The following HYCC2 variants were observed in gnomAD, a reference collection of about 807,000 sequenced individuals.
HYCC2 encodes hyccin 2.
chr2:201,047,445 C>CATATATATATATATATATATATATAT, the HYCC2 span, among the ~76,000 whole-genome samples: 88 of 139,598 alleles, frequency 6.3e-4, 2 homozygotes, highest in African/African-American at 2.1e-3. Context: ...TCACAGTTCT[C>CATATATATATATATATATATATATAT]ATATATATAT....
At chr2:201,010,641 C>T in the HYCC2 span, among the ~76,000 whole-genome samples, 1 of 151,988 alleles carries the variant, frequency 6.6e-6, no homozygotes, top group African/African-American at 2.4e-5. Flanking sequence ...TGAAATACAA[C>T]AATTAGAGTG....
chr2:201,032,228 C>G, the HYCC2 span, among the ~76,000 whole-genome samples: 1 of 152,130 alleles, frequency 6.6e-6, no homozygotes, highest in African/African-American at 2.4e-5. Flanking sequence ...TCCCACAGTC[C>G]TGGGATTACA....
the HYCC2 span, among the ~76,000 whole-genome samples, chr2:201,025,589 A>T: frequency 6.6e-6 from 1 of 152,220 alleles, no homozygotes; most frequent in African/African-American, 2.4e-5. Flanking sequence ...GATCTATAGA[A>T]TTAAGGGGAG....
At chr2:201,000,625 A>C in the HYCC2 span, among the ~76,000 whole-genome samples, 1 of 152,190 alleles carries the variant, frequency 6.6e-6, no homozygotes, top group Non-Finnish European at 1.5e-5. Context: ...TAGAAACGTA[A>C]AATGGTACAG....
At chr2:201,047,227 A>G in the HYCC2 span, among the ~76,000 whole-genome samples, 1 of 152,116 alleles carries the variant, frequency 6.6e-6, no homozygotes, top group South Asian at 2.1e-4. Context: ...GAAGAATTTA[A>G]TATATTGGTC....
At chr2:201,042,742 G>GGGGGC in the HYCC2 span, among the ~76,000 whole-genome samples, 1 of 150,162 alleles carries the variant, frequency 6.7e-6, no homozygotes, top group Non-Finnish European at 1.5e-5. Flanking sequence ...CCGGGAGGTG[G>GGGGGC]GGGGCAGCCC....
the HYCC2 span, among the ~76,000 whole-genome samples, chr2:201,033,224 T>C: frequency 7.2e-6 from 1 of 138,456 alleles, no homozygotes; most frequent in African/African-American, 2.8e-5. Flanking sequence ...AGAGATGAGA[T>C]CTCTCTCTGT....
the HYCC2 span, chr2:201,016,904 T>C: frequency 2.9e-6 from 4 of 1,398,998 alleles, no homozygotes; most frequent in Non-Finnish European, 2.9e-6. Context: ...CCTGGCCAAT[T>C]TATTTTTCTC....
chr2:201,050,120 G>A, the HYCC2 span, among the ~76,000 whole-genome samples: 1 of 151,788 alleles, frequency 6.6e-6, no homozygotes, highest in African/African-American at 2.4e-5. Context: ...CCTGTGAGGT[G>A]GGAGGATTGC....
At chr2:201,042,004 C>T in the HYCC2 span, among the ~76,000 whole-genome samples, 3 of 152,254 alleles carry the variant, frequency 2.0e-5, no homozygotes, top group South Asian at 6.2e-4. Context: ...CCTCTGATGC[C>T]GAGCCGAGGC....
chr2:201,020,913 G>A, the HYCC2 span, among the ~76,000 whole-genome samples: 2 of 151,974 alleles, frequency 1.3e-5, no homozygotes, highest in African/African-American at 2.4e-5. Flanking sequence ...GACTACAGGC[G>A]TGCACCACCA....
the HYCC2 span, among the ~76,000 whole-genome samples, chr2:201,008,155 G>C: frequency 6.6e-6 from 1 of 152,168 alleles, no homozygotes; most frequent in Middle Eastern, 3.2e-3. Context: ...AGTCAGAAGT[G>C]AGGGCAATTT....
At chr2:201,058,449 G>A in the HYCC2 span, among the ~76,000 whole-genome samples, 1 of 152,226 alleles carries the variant, frequency 6.6e-6, no homozygotes. Context: ...AGCGGCTCAC[G>A]CCTGTAATCC....
the HYCC2 span, among the ~76,000 whole-genome samples, chr2:200,989,414 A>G: frequency 6.6e-6 from 1 of 152,340 alleles, no homozygotes; most frequent in African/African-American, 2.4e-5. Context: ...TTAGGGTAAG[A>G]TTAGGAAACA....
At chr2:201,039,738 T>G in the HYCC2 span, among the ~76,000 whole-genome samples, 1 of 152,132 alleles carries the variant, frequency 6.6e-6, no homozygotes, top group African/African-American at 2.4e-5. Context: ...AAAGAATACA[T>G]AAAGTTAAAT....
At chr2:201,060,541 G>A in the HYCC2 span, among the ~76,000 whole-genome samples, 1 of 152,162 alleles carries the variant, frequency 6.6e-6, no homozygotes, top group Admixed American at 6.5e-5. Flanking sequence ...AATCTTGAAA[G>A]TAGAAGACAC....
chr2:201,020,538 G>C, the HYCC2 span, among the ~76,000 whole-genome samples: 5 of 152,240 alleles, frequency 3.3e-5, no homozygotes, highest in East Asian at 9.6e-4. Flanking sequence ...GAATATGGTT[G>C]TTTATCATAT....
the HYCC2 span, among the ~76,000 whole-genome samples, chr2:201,066,463 TA>T: frequency 3.3e-5 from 5 of 152,160 alleles, no homozygotes; most frequent in African/African-American, 7.2e-5. Context: ...TTTTTTCATT[TA>T]AAAAGTATAA....
the HYCC2 span, among the ~76,000 whole-genome samples, chr2:201,029,025 C>G: frequency 6.6e-6 from 1 of 152,290 alleles, no homozygotes; most frequent in Non-Finnish European, 1.5e-5. Context: ...AGGCAACCTA[C>G]AGAATGGGAG....
Sources: gnomAD v4.1 joint callset for allele counts (sites outside exome capture counted in the v4.1 genomes callset) on GRCh38, gnomAD v4.1.1 for gene constraint, MANE v1.5 for transcripts, NCBI Gene and HGNC (gene_info 2026-07-23, HGNC 2026-07-21) for gene names.